The following RYR2 variants were observed in gnomAD, a reference collection of about 807,000 sequenced individuals.
RYR2 encodes ryanodine receptor 2.
RYR2 carries 227 observed loss-of-function variants against 601.1 expected under a neutral mutation model. The ratio of observed to expected loss-of-function variants is 0.38; its 90% CI spans 0.34 to 0.42. The LOEUF is 0.42. RYR2 is among the 10% of genes least tolerant of loss of function. The pLI is 1.00. For synonymous variants in RYR2, 2,223 were observed against 2,175.1 expected, an observed-to-expected ratio of 1.02 and a Z score of -0.61; for missense variants, 4,646 against 6,156.5, an observed-to-expected ratio of 0.75 and a Z score of 8.21.
At chr1:237,701,048 C>T (rs114619329) in intron 65 of RYR2, among the ~76,000 whole-genome samples, 2,265 of 152,264 alleles carry the variant, frequency 0.015, 53 homozygotes, top group African/African-American at 0.051. Context: ...GGAAAAAATA[C>T]GCATGAGCTG....
chr1:237,297,875 C>T (rs1692944451), intron 2 of RYR2, among the ~76,000 whole-genome samples: 1 of 151,600 alleles, frequency 6.6e-6, no homozygotes, highest in Admixed American at 6.6e-5. Context: ...CTGAGCCTCC[C>T]AAGTAGCTGG....
chr1:237,094,886 C>G (rs74232325), intron 1 of RYR2, among the ~76,000 whole-genome samples: 1 of 152,190 alleles, frequency 6.6e-6, no homozygotes, highest in Non-Finnish European at 1.5e-5. Flanking sequence ...CCACCGCACC[C>G]GGCCTTGTCT....
At chr1:237,546,269 A>G (rs1669793412) in intron 25 of RYR2, among the ~76,000 whole-genome samples, 1 of 152,234 alleles carries the variant, frequency 6.6e-6, no homozygotes. Context: ...AATGACATAG[A>G]TCAGTAATTT....
At chr1:237,127,417 A>AC (rs536204846) in intron 1 of RYR2, among the ~76,000 whole-genome samples, 1,707 of 136,456 alleles carry the variant, frequency 0.013, 28 homozygotes, top group African/African-American at 0.045. Flanking sequence ...CGGGGGGCTG[A>AC]CCCCCCCACC....
At position 237,373,438 on chromosome 1, in the gene RYR2, T is replaced by A. The variant is rs547488149; in HGVS notation, c.385-1279T>A. On this transcript the variant is annotated intron_variant, in intron 6 of 104. Coordinates refer to ENST00000366574, the MANE Select transcript of RYR2 (RefSeq NM_001035.3). ...GACACACACCTAGCTGGATGGGCCCTGTACCATAATAAGACATTTCTAGCC... is the reference window on the plus strand; with the variant it reads ...GACACACACCTAGCTGGATGGGCCCAGTACCATAATAAGACATTTCTAGCC... Among the ~76,000 whole-genome samples the A allele has an allele frequency of 2.0e-5, 3 of 152,342 alleles. No homozygotes were observed. The South Asian group carries it at 6.2e-4, about 32-fold the overall frequency.
intron 28 of RYR2, among the ~76,000 whole-genome samples, chr1:237,567,709 T>A (rs958604442): frequency 6.6e-6 from 1 of 152,066 alleles, no homozygotes; most frequent in Non-Finnish European, 1.5e-5. Flanking sequence ...CTTTTTTTTT[T>A]ATTTTTTAAG....
intron 1 of RYR2, among the ~76,000 whole-genome samples, chr1:237,168,020 C>G (rs1007650511): frequency 4.6e-5 from 7 of 152,192 alleles, no homozygotes; most frequent in African/African-American, 1.4e-4. Context: ...ACAATTCCTT[C>G]TTTTCCTGGA....
chr1:237,072,956 A>AC (rs909607267), intron 1 of RYR2, among the ~76,000 whole-genome samples: 13 of 151,118 alleles, frequency 8.6e-5, no homozygotes, highest in African/African-American at 1.5e-4. Context: ...TCAAAAAAAA[A>AC]AAAAAAAACA....
intron 1 of RYR2, among the ~76,000 whole-genome samples, chr1:237,264,718 G>A (rs981823501): frequency 6.7e-6 from 1 of 149,014 alleles, no homozygotes; most frequent in Non-Finnish European, 1.5e-5. Flanking sequence ...TTTTTGAGAC[G>A]GAGTCTTGCT....
chr1:237,570,639 T>C (rs1008453047), intron 29 of RYR2, among the ~76,000 whole-genome samples: 2 of 152,012 alleles, frequency 1.3e-5, no homozygotes, highest in African/African-American at 4.8e-5. Flanking sequence ...ATGCCCGGCC[T>C]AAATTTTAAA....
At chr1:237,801,367 CAAAAAAAAAAAAA>C (rs71162423) in intron 97 of RYR2, among the ~76,000 whole-genome samples, 2 of 95,480 alleles carry the variant, frequency 2.1e-5, no homozygotes, top group Admixed American at 2.4e-4. Context: ...CCCATCTCTA[CAAAAAAAAAAAAA>C]AAAAAAAAAA....
intron 2 of RYR2, among the ~76,000 whole-genome samples, chr1:237,300,460 C>T (rs1421208): frequency 0.26 from 39,475 of 152,012 alleles, 5,979 homozygotes; most frequent in South Asian, 0.36. Flanking sequence ...TGCAGGTATA[C>T]GTAAATTTGG....
At chr1:237,605,117 C>CAA (rs1165620114) in intron 35 of RYR2, among the ~76,000 whole-genome samples, 2 of 151,426 alleles carry the variant, frequency 1.3e-5, no homozygotes, top group Admixed American at 1.3e-4. Flanking sequence ...GAGACACAAC[C>CAA]AAAAAAAAGA....
At chr1:237,629,467 A>C (rs1435016306) in intron 41 of RYR2, among the ~76,000 whole-genome samples, 1 of 152,136 alleles carries the variant, frequency 6.6e-6, no homozygotes, top group African/African-American at 2.4e-5. Flanking sequence ...CATTAAGAAC[A>C]ATACCTAAAC....
chr1:237,091,666 C>T (rs1666973810), intron 1 of RYR2, among the ~76,000 whole-genome samples: 1 of 152,164 alleles, frequency 6.6e-6, no homozygotes, highest in African/African-American at 2.4e-5. Context: ...CTCAAGTGAT[C>T]CCCCCGCCTT....
Position 237,638,579 on chromosome 1 carries a change from G to A in RYR2, c.6928+87G>A, listed in dbSNP as rs1045054947. On this transcript the variant is annotated intron_variant, in intron 45 of 104. Coordinates refer to ENST00000366574, the MANE Select transcript of RYR2 (RefSeq NM_001035.3). ...GGATTCATCTCAGCACTTTCATGAA[G>A]GAAGTATTAGTAAAGAAATCACATA... 49 of 1,364,396 alleles carry A rather than the reference G, an allele frequency of 3.6e-5. No homozygotes were observed. The African/African-American group carries it at 4.7e-4, about 13-fold the overall frequency. The allele number at this position is 1,364,396 out of a possible 1,614,324, so 84.5% of individuals were successfully genotyped here. A position where few individuals can be genotyped will look rare whatever the true frequency, so the allele number is the denominator to read the frequency against.
chr1:237,595,770 C>T (rs1675831796), intron 34 of RYR2, 113 bp downstream of exon 34: 11 of 1,282,248 alleles, frequency 8.6e-6, no homozygotes, highest in Non-Finnish European at 1.0e-5. Flanking sequence ...TACATGTGCC[C>T]CTGGTCTGAA....
At position 237,464,726 on chromosome 1, in the gene RYR2, C is replaced by A. The variant is rs1168364285; in HGVS notation, c.1613-4366C>A. Among the ~76,000 whole-genome samples, 3 of 152,096 alleles carry A rather than the reference C, an allele frequency of 2.0e-5. No individual in the cohort carries two copies. In the South Asian group the frequency reaches 6.2e-4, roughly 32 times the overall value. On this transcript the variant is annotated intron_variant, in intron 16 of 104. Transcript: ENST00000366574. ...ATATTCAGTGTATACATTTACTTTA[C>A]AAAAATGGAATCATGCTATCAATGT... is the stretch of plus-strand genomic sequence containing the variant.
intron 10 of RYR2, among the ~76,000 whole-genome samples, chr1:237,398,710 C>T (rs1703075461): frequency 6.6e-6 from 1 of 152,178 alleles, no homozygotes; most frequent in South Asian, 2.1e-4. Context: ...ACCTGCATGA[C>T]CATGTGGCTT....
Sources: allele counts gnomAD v4.1 joint callset (sites outside exome capture counted in the v4.1 genomes callset), GRCh38; gene constraint gnomAD v4.1.1; transcripts MANE v1.5; gene names NCBI Gene and HGNC (gene_info 2026-07-23, HGNC 2026-07-21).